ALG6: variants seen among roughly 807,000 people sequenced by gnomAD.
ALG6 encodes the protein ALG6 alpha-1,3-glucosyltransferase.
Under a neutral mutation model 66.6 loss-of-function variants are expected in ALG6, and 46 were observed. That is an observed-to-expected ratio of 0.69 (90% CI 0.55 to 0.88). The LOEUF (loss-of-function observed/expected upper bound fraction) is 0.88. ALG6 is among the 40% of genes least tolerant of loss of function. The pLI is 0.00. For synonymous variants in ALG6, 185 were observed against 203.7 expected, an observed-to-expected ratio of 0.91 and a Z score of 0.78; for missense variants, 505 against 586.8, an observed-to-expected ratio of 0.86 and a Z score of 1.44.
intron 12 of ALG6, among the ~76,000 whole-genome samples, chr1:63,424,344 T>A (rs1644604145): frequency 6.6e-6 from 1 of 152,188 alleles, no homozygotes; most frequent in Non-Finnish European, 1.5e-5. Flanking sequence ...TTTCACTATG[T>A]TGGCCAGGCT....
At chr1:63,410,570 A>G (rs921129583) in intron 7 of ALG6, among the ~76,000 whole-genome samples, 10 of 152,130 alleles carry the variant, frequency 6.6e-5, no homozygotes, top group African/African-American at 2.2e-4. Context: ...TTATACTATT[A>G]AATTCCTTTT....
At chr1:63,414,255 C>CTT (rs375709990) in intron 10 of ALG6, 109 bp downstream of exon 10, 1,230 of 615,620 alleles carry the variant, frequency 2.0e-3, no homozygotes, top group Middle Eastern at 4.3e-3. Flanking sequence ...TTTTTCTTTT[C>CTT]TTTTTTTTTT....
chr1:63,396,380 CT>C, intron 2 of ALG6, 132 bp from the exon 3 acceptor site: 2 of 765,794 alleles, frequency 2.6e-6, no homozygotes, highest in Non-Finnish European at 2.2e-6. Flanking sequence ...ATCTCTCTGA[CT>C]TTCTCGGTAA....
chr1:63,374,456 C>T lies in ALG6; in HGVS notation c.82+3397C>T, dbSNP rs146494573. ...CAGCGTGGCCAACACAGTGAAACCC[C>T]GTCTCTACTAAAAATACAAAAATTA... On this transcript the variant is annotated intron_variant, in intron 2 of 14. Transcript: ENST00000263440. Among the ~76,000 whole-genome samples, 44 of 152,120 alleles carry T rather than the reference C, an allele frequency of 2.9e-4. 1 individual carries two copies. Among genetic ancestry groups the T allele is most frequent in the South Asian group, 2.1e-3 (10 of 4,816 alleles).
intron 12 of ALG6, among the ~76,000 whole-genome samples, chr1:63,423,615 G>T (rs1446697299): frequency 6.6e-6 from 1 of 152,156 alleles, no homozygotes; most frequent in Non-Finnish European, 1.5e-5. Flanking sequence ...ATTATATGTG[G>T]TCTTTTGTGT....
intron 7 of ALG6, among the ~76,000 whole-genome samples, chr1:63,410,034 A>G (rs1644508662): frequency 6.6e-6 from 1 of 152,150 alleles, no homozygotes; most frequent in Admixed American, 6.5e-5. Flanking sequence ...TCTTCTGCAC[A>G]TACTACTCAA....
rs764336209 is a variant in ALG6, at chr1:63,371,091, G to T, written c.82+32G>T. The stretch of plus-strand genomic sequence containing the variant: ...CATTTTTACTGGTTAAAAAAAAAAC[G>T]AAATTTTCCTTTGAATAGGTGTTTG... On this transcript the variant is annotated intron_variant, in intron 2 of 14. Transcript: ENST00000263440. 11 of 1,426,532 alleles carry T rather than the reference G, an allele frequency of 7.7e-6. No individual in the cohort carries two copies. In the Admixed American group the frequency reaches 1.5e-4, roughly 20 times the overall value. The allele number at this position is 1,426,532 out of a possible 1,614,324, so 88.4% of individuals were successfully genotyped here. A position where few individuals can be genotyped will look rare whatever the true frequency, so the allele number is the denominator to read the frequency against.
chr1:63,395,155 C>A (rs1422657535), intron 2 of ALG6, among the ~76,000 whole-genome samples: 1 of 152,082 alleles, frequency 6.6e-6, no homozygotes, highest in Admixed American at 6.6e-5. Flanking sequence ...TGAGCCTCCG[C>A]GCCTGGCCAG....
chr1:63,399,548 CTGTT>C (rs1644434106), intron 3 of ALG6, among the ~76,000 whole-genome samples: 1 of 152,142 alleles, frequency 6.6e-6, no homozygotes, highest in Non-Finnish European at 1.5e-5. Context: ...CGTCTTCTTT[CTGTT>C]TGTTCTTGTC....
intron 12 of ALG6, among the ~76,000 whole-genome samples, chr1:63,422,172 A>ATATAAAT (rs1644579366): frequency 1.2e-5 from 1 of 84,918 alleles, no homozygotes; most frequent in Non-Finnish European, 2.2e-5. Context: ...TATAACTATG[A>ATATAAAT]ATTTATATTT....
chr1:63,421,666 A>T (rs1422898283), intron 12 of ALG6, among the ~76,000 whole-genome samples: 1 of 152,180 alleles, frequency 6.6e-6, no homozygotes, highest in African/African-American at 2.4e-5. Flanking sequence ...AATGTGGCAC[A>T]TACACACCAT....
At chr1:63,376,938 T>C (rs950044034) in intron 2 of ALG6, among the ~76,000 whole-genome samples, 6 of 152,198 alleles carry the variant, frequency 3.9e-5, no homozygotes, top group Non-Finnish European at 5.9e-5. Flanking sequence ...TGTATATATT[T>C]TGTATCTATA....
At chr1:63,381,931 C>T (rs1382807435) in intron 2 of ALG6, among the ~76,000 whole-genome samples, 1 of 152,078 alleles carries the variant, frequency 6.6e-6, no homozygotes, top group Non-Finnish European at 1.5e-5. Flanking sequence ...TGACTATTTA[C>T]AGGATGTGAT....
intron 5 of ALG6, 76 bp from the exon 6 acceptor site, chr1:63,406,241 G>C: frequency 7.9e-7 from 1 of 1,270,926 alleles, no homozygotes. Flanking sequence ...CTCAATGTTG[G>C]AGGAAGGGAG....
chr1:63,388,012 G>T (rs1420021254), intron 2 of ALG6, among the ~76,000 whole-genome samples: 2 of 152,168 alleles, frequency 1.3e-5, no homozygotes. Context: ...GCAACAGACT[G>T]TTCAAGCGAT....
At chr1:63,418,467 A>G (rs1644556445) in intron 11 of ALG6, among the ~76,000 whole-genome samples, 1 of 152,046 alleles carries the variant, frequency 6.6e-6, no homozygotes, top group African/African-American at 2.4e-5. Flanking sequence ...TGGCAAAAGG[A>G]GATGAATGAA....
chr1:63,376,113 G>GAGTGAC (rs1330545034), intron 2 of ALG6, among the ~76,000 whole-genome samples: 1 of 152,096 alleles, frequency 6.6e-6, no homozygotes, highest in Non-Finnish European at 1.5e-5. Context: ...AACCATTGTA[G>GAGTGAC]AGTGACTTAC....
At chr1:63,396,953 G>T (rs929134087) in intron 3 of ALG6, among the ~76,000 whole-genome samples, 10 of 152,098 alleles carry the variant, frequency 6.6e-5, no homozygotes, top group African/African-American at 2.2e-4. Context: ...CACTATGATT[G>T]TAACTATAGA....
chr1:63,424,778 T>C (rs1326610953), intron 12 of ALG6, among the ~76,000 whole-genome samples: 2 of 143,258 alleles, frequency 1.4e-5, no homozygotes, highest in African/African-American at 5.3e-5. Flanking sequence ...GAGTTAATTT[T>C]TTTTTTTTTT....
Sources: allele counts gnomAD v4.1 joint callset (sites outside exome capture counted in the v4.1 genomes callset), GRCh38; gene constraint gnomAD v4.1.1; transcripts MANE v1.5; gene names NCBI Gene and HGNC (gene_info 2026-07-23, HGNC 2026-07-21).